The following GPR139 variants were observed in gnomAD, a reference collection of about 807,000 sequenced individuals.
GPR139 encodes the protein G protein-coupled receptor 139.
In GPR139, 12 loss-of-function variants were observed where a neutral mutation model predicts 25.8. That is an observed-to-expected ratio of 0.47 (90% CI 0.30 to 0.75). The LOEUF (loss-of-function observed/expected upper bound fraction) is 0.75, where lower values mean the gene tolerates loss of function less well. GPR139 is among the 30% of genes least tolerant of loss of function. GPR139 has a pLI of 0.07. For synonymous variants in GPR139, 184 were observed against 179.9 expected (o/e 1.02, Z -0.18); for missense variants, 380 against 450.2 (o/e 0.84, Z 1.41).
At chr16:20,057,120 T>C (rs1207543589) in intron 1 of GPR139, among the ~76,000 whole-genome samples, 2 of 152,204 alleles carry the variant, frequency 1.3e-5, no homozygotes. Flanking sequence ...TCTTGTCCTG[T>C]GCCCTGAATA....
rs10534277 is a variant in GPR139 at position 20,068,236 on chromosome 16, CAAAAAA to C, written c.127+5248_127+5253del. Among the ~76,000 whole-genome samples, 207 of 109,028 alleles carry C rather than the reference CAAAAAA, an allele frequency of 1.9e-3. 1 individual carries two copies. Among genetic ancestry groups the C allele is most frequent in the Middle Eastern group, 5.6e-3 (1 of 178 alleles). The allele number at this position is 109,028 out of a possible 152,430, so 71.5% of individuals were successfully genotyped here. A position where few individuals can be genotyped will look rare whatever the true frequency, so the allele number is the denominator to read the frequency against. ...CATGAATATCATTATCTATTTAATGCAAAAAAAAAAAAAAAAAAAAAAGAAAGGAGA... is the reference window on the plus strand; with the variant it reads ...CATGAATATCATTATCTATTTAATGCAAAAAAAAAAAAAAAAGAAAGGAGA... On this transcript the variant is annotated intron_variant, in intron 1 of 1. Coordinates refer to ENST00000570682, the MANE Select transcript of GPR139 (RefSeq NM_001002911.4).
At position 20,064,307 on chromosome 16, in the gene GPR139, G is replaced by A. The variant is rs573730758; in HGVS notation, c.127+9183C>T. Among the ~76,000 whole-genome samples the A allele has an allele frequency of 1.3e-4, 20 of 152,294 alleles. No individual in the cohort carries two copies. In the South Asian group the frequency reaches 1.9e-3, roughly 14 times the overall value. On this transcript the variant is annotated intron_variant, in intron 1 of 1. Coordinates refer to ENST00000570682, the MANE Select transcript of GPR139 (RefSeq NM_001002911.4). ...TGTAATCCCAGTACTTTGGGAAGCC[G>A]AGGTGGGTGGATCACTTGAGACCAG...
At position 20,032,496 on chromosome 16, in the gene GPR139, C is replaced by A; in HGVS notation, c.301G>T (p.Asp101Tyr). 2 of 1,614,054 alleles carry A rather than the reference C, an allele frequency of 1.2e-6. No individual in the cohort carries two copies. Among genetic ancestry groups the A allele is most frequent in the Non-Finnish European group, 1.7e-6 (2 of 1,180,008 alleles). Residue 101 changes from aspartate (D) to tyrosine (Y), a missense_variant, in exon 2 of 2, where the codon GAC becomes TAC. Transcript: ENST00000570682. ...ILNMQMPQVP[D>Y]KIIEVLEFSS... ...AATTCCAGCACTTCTATGATCTTGT[C>A]GGGGACCTGAGGCATCTGCATGTTC...
At chr16:20,036,113 C>T (rs1443265837) in intron 1 of GPR139, among the ~76,000 whole-genome samples, 1 of 152,146 alleles carries the variant, frequency 6.6e-6, no homozygotes, top group African/African-American at 2.4e-5. Flanking sequence ...ATAGGAGCTG[C>T]TGGTGAATAG....
At chr16:20,065,718 A>G (rs543568652) in intron 1 of GPR139, among the ~76,000 whole-genome samples, 2 of 151,986 alleles carry the variant, frequency 1.3e-5, no homozygotes, top group African/African-American at 4.8e-5. Context: ...TAAAAACACA[A>G]AAAAATGAGC....
chr16:20,054,485 C>T (rs1355535650), intron 1 of GPR139, among the ~76,000 whole-genome samples: 2 of 151,912 alleles, frequency 1.3e-5, no homozygotes, highest in African/African-American at 4.8e-5. Context: ...GTTATTAGAG[C>T]CAGCAAGAGC....
intron 1 of GPR139, among the ~76,000 whole-genome samples, chr16:20,033,991 T>TA (rs201339791): frequency 5.3e-5 from 8 of 151,904 alleles, no homozygotes; most frequent in African/African-American, 1.2e-4. Context: ...GTTTTTTTTT[T>TA]AAAAAAAGTC....
Position 20,061,937 on chromosome 16 carries a change from G to A in GPR139, c.127+11553C>T, listed in dbSNP as rs145953881. On this transcript the variant is annotated intron_variant, in intron 1 of 1. Coordinates refer to ENST00000570682, the MANE Select transcript of GPR139 (RefSeq NM_001002911.4). ...TAATTAGCTATGTATGCATCCCCGG[G>A]GAATTTCCTTTCCCTCTAAGCCTCA... 8.5e-5 allele frequency among the ~76,000 whole-genome samples: 13 copies of A among 152,252 alleles called. No homozygotes were observed. The East Asian group carries it at 2.1e-3, about 25-fold the overall frequency.
intron 1 of GPR139, among the ~76,000 whole-genome samples, chr16:20,061,077 GT>G (rs2057411412): frequency 2.1e-5 from 3 of 143,354 alleles, no homozygotes; most frequent in Non-Finnish European, 4.7e-5. Flanking sequence ...GTGTGTGTGT[GT>G]GTGTGTTGTG....
At chr16:20,037,257 G>A (rs2057313167) in intron 1 of GPR139, among the ~76,000 whole-genome samples, 1 of 152,086 alleles carries the variant, frequency 6.6e-6, no homozygotes, top group Admixed American at 6.6e-5. Context: ...TTCCAGACCA[G>A]CCTGGCCAAC....
intron 1 of GPR139, among the ~76,000 whole-genome samples, chr16:20,056,750 A>G (rs917476876): frequency 2.0e-5 from 3 of 152,206 alleles, no homozygotes; most frequent in African/African-American, 7.2e-5. Flanking sequence ...TGGATTTGGA[A>G]TTCTAAGTAC....
intron 1 of GPR139, among the ~76,000 whole-genome samples, chr16:20,051,063 A>AAAAAAG (rs1491532287): frequency 2.8e-4 from 5 of 17,782 alleles, no homozygotes; most frequent in Admixed American, 2.4e-3. Flanking sequence ...ACCCTGTTTC[A>AAAAAAG]AAAAAAAAAA....
At chr16:20,070,575 C>T (rs1317903917) in intron 1 of GPR139, among the ~76,000 whole-genome samples, 3 of 152,212 alleles carry the variant, frequency 2.0e-5, no homozygotes, top group Non-Finnish European at 4.4e-5. Flanking sequence ...AACCTAGAGA[C>T]CGAAGGTAGT....
chr16:20,029,276 C>A lies in GPR139; in HGVS notation c.*2459G>T, dbSNP rs150901088. On this transcript the variant is annotated 3_prime_UTR_variant, in exon 2 of 2. Transcript: ENST00000570682. The stretch of plus-strand genomic sequence containing the variant: ...GTCTGAGGAAAATGTTCCCAATGCA[C>A]ACCCAGTTTTTAAACATCAACAATT... Among the ~76,000 whole-genome samples the A allele has an allele frequency of 3.9e-4, 60 of 152,078 alleles. No homozygotes were observed. The East Asian group carries it at 0.011, about 27-fold the overall frequency.
At chr16:20,041,124 AG>A (rs1436911578) in intron 1 of GPR139, among the ~76,000 whole-genome samples, 3 of 974 alleles carry the variant, frequency 3.1e-3, no homozygotes, top group Admixed American at 0.019. Flanking sequence ...AGGAAAGGAA[AG>A]GAAAGGAGAG....
chr16:20,058,783 T>C (rs1327010922), intron 1 of GPR139, among the ~76,000 whole-genome samples: 3 of 152,190 alleles, frequency 2.0e-5, no homozygotes, highest in Non-Finnish European at 4.4e-5. Flanking sequence ...CTAGTTTGCC[T>C]CTGTCGGACA....
chr16:20,053,659 G>A (rs189708536), intron 1 of GPR139, among the ~76,000 whole-genome samples: 105 of 152,312 alleles, frequency 6.9e-4, no homozygotes, highest in African/African-American at 2.5e-3. Context: ...TGGTTTTGCA[G>A]AGTGGATAAG....
intron 1 of GPR139, among the ~76,000 whole-genome samples, chr16:20,054,544 A>T (rs1268325079): frequency 5.3e-5 from 8 of 152,142 alleles, no homozygotes. Context: ...GCTAGTTAGA[A>T]TATAGAATGG....
intron 1 of GPR139, among the ~76,000 whole-genome samples, chr16:20,048,176 T>G (rs141394311): frequency 6.6e-6 from 1 of 152,322 alleles, no homozygotes; most frequent in African/African-American, 2.4e-5. Context: ...CAGTTTTGAA[T>G]GTACTTAGGG....
Sources: allele counts gnomAD v4.1 joint callset (sites outside exome capture counted in the v4.1 genomes callset), GRCh38; gene constraint gnomAD v4.1.1; transcripts MANE v1.5; gene names NCBI Gene and HGNC (gene_info 2026-07-23, HGNC 2026-07-21).